The following URI1 variants were observed in gnomAD, a reference collection of about 807,000 sequenced individuals.
URI1 encodes the protein unconventional prefoldin RPB5 interactor 1.
Under a neutral mutation model 60.2 loss-of-function variants are expected in URI1, and 39 were observed. That is an observed-to-expected ratio of 0.65 (90% CI 0.50 to 0.85). The LOEUF (loss-of-function observed/expected upper bound fraction) is 0.85. Among genes scored for constraint, URI1 ranks in the 40% least tolerant of loss-of-function variants. URI1 has a pLI of 0.00. For missense variants in URI1, 691 were observed against 665.9 expected, an observed-to-expected ratio of 1.04 and a Z score of -0.42; for synonymous variants, 251 against 236.8, an observed-to-expected ratio of 1.06 and a Z score of -0.55.
At chr19:29,933,302 A>G (rs1407140768) in intron 1 of URI1, among the ~76,000 whole-genome samples, 1 of 152,304 alleles carries the variant, frequency 6.6e-6, no homozygotes, top group East Asian at 1.9e-4. Context: ...TACTTGTTAT[A>G]GATCCAATCA....
chr19:29,983,282 T>A (rs913680020), intron 2 of URI1: 1 of 152,232 alleles, frequency 6.6e-6, no homozygotes, highest in Non-Finnish European at 1.5e-5. Context: ...CTTCTTGCTA[T>A]GTGGTTTTTC....
At chr19:29,928,100 A>C (rs890495582) in intron 1 of URI1, among the ~76,000 whole-genome samples, 2 of 151,998 alleles carry the variant, frequency 1.3e-5, no homozygotes, top group South Asian at 4.1e-4. Flanking sequence ...ATCCCAGGTG[A>C]CAGTTAATCT....
At chr19:29,982,768 TC>T (rs1386625662) in intron 2 of URI1, among the ~76,000 whole-genome samples, 1 of 152,208 alleles carries the variant, frequency 6.6e-6, no homozygotes, top group East Asian at 1.9e-4. Flanking sequence ...TAATAGTCTT[TC>T]TTGAAAGTTT....
rs771039160 is a variant in URI1, at chr19:30,015,036, G to A, written c.1575G>A (p.Lys525=). 1 of 1,613,580 alleles carries A rather than the reference G, an allele frequency of 6.2e-7. No homozygotes were observed. Among genetic ancestry groups the A allele is most frequent in the Non-Finnish European group, 8.5e-7 (1 of 1,179,656 alleles). Residue 525 remains lysine, a synonymous_variant, in exon 11 of 11, where the codon AAG becomes AAA. Coordinates refer to ENST00000392271, the MANE Select transcript of URI1 (RefSeq NM_003796.3). The part of the protein sequence containing the change: ...ASEETGKRVS[K]FKAARLQQKD ...AAGAAACTGGAAAGAGGGTTTCAAA[G>A]TTTAAAGCTGCCAGATTGCAACAGA...
Position 29,942,554 on chromosome 19 carries a change from G to A in URI1, c.7G>A (p.Ala3Thr), listed in dbSNP as rs2055042233. ...TGAGGCCCGCGGGCCCGTCATGGAG[G>A]CGCCCACCGTGGAGACGCCCCCCGA... Reference protein sequence around the residue: MEAPTVETPPDPS... With the variant: METPTVETPPDPS... Residue 3 changes from alanine (A) to threonine (T), a missense_variant, in exon 1 of 11, where the codon GCG becomes ACG. By Grantham distance (58) the Ala-to-Thr change is moderately conservative (BLOSUM62 0). Coordinates refer to ENST00000392271, the MANE Select transcript of URI1 (RefSeq NM_003796.3). 2.1e-6 allele frequency: 3 copies of A among 1,415,122 alleles called. No homozygotes were observed. The highest frequency in any genetic ancestry group is 9.2e-7 in the Non-Finnish European group (1 of 1,085,306). 87.7% of individuals were successfully genotyped at this position (1,415,122 alleles called of 1,614,324 possible).
At chr19:30,010,036 C>T (rs2055997851) in intron 8 of URI1, among the ~76,000 whole-genome samples, 1 of 152,114 alleles carries the variant, frequency 6.6e-6, no homozygotes, top group Non-Finnish European at 1.5e-5. Flanking sequence ...GCCTTAAGTC[C>T]ATCTTTGCCC....
intron 4 of URI1, among the ~76,000 whole-genome samples, chr19:30,000,504 T>G (rs979463132): frequency 7.2e-5 from 11 of 152,016 alleles, no homozygotes; most frequent in African/African-American, 2.7e-4. Flanking sequence ...CTTATATTCC[T>G]TATACTCCTG....
intron 1 of URI1, among the ~76,000 whole-genome samples, chr19:29,951,145 C>T (rs977662782): frequency 1.3e-5 from 2 of 152,112 alleles, no homozygotes; most frequent in Admixed American, 1.3e-4. Context: ...GATGACTTTC[C>T]ATTGCATCAC....
rs1257755459 is a variant in URI1 at position 29,942,602 on chromosome 19, G to A, written c.55G>A (p.Ala19Thr). Reference protein sequence around the residue: ...PPDPSPPSAPAPALVPLRAPD... With the variant: ...PPDPSPPSAPTPALVPLRAPD... The stretch of plus-strand genomic sequence containing the variant: ...CGACCCCTCGCCCCCTTCGGCCCCG[G>A]CCCCTGCCCTGGTTCCGTTGCGCGC... The change falls in exon 1 of 11, where the codon GCC becomes ACC. Residue 19 changes from alanine to threonine, a missense_variant. Transcript: ENST00000392271. 2 of 1,463,606 alleles carry A rather than the reference G, an allele frequency of 1.4e-6. No homozygotes were observed. Among genetic ancestry groups the A allele is most frequent in the South Asian group, 1.3e-5 (1 of 74,968 alleles). The allele number at this position is 1,463,606 out of a possible 1,614,324, so 90.7% of individuals were successfully genotyped here.
At chr19:29,948,220 G>C (rs997576127) in intron 1 of URI1, among the ~76,000 whole-genome samples, 1 of 152,084 alleles carries the variant, frequency 6.6e-6, no homozygotes, top group Non-Finnish European at 1.5e-5. Flanking sequence ...GGTTCCTCAA[G>C]ATTGCCTTTA....
At chr19:29,945,878 AAAAG>A (rs2145234128) in intron 1 of URI1, among the ~76,000 whole-genome samples, 1 of 152,220 alleles carries the variant, frequency 6.6e-6, no homozygotes, top group African/African-American at 2.4e-5. Context: ...TTTTTCCAAA[AAAAG>A]CTATTGATAA....
At chr19:29,931,228 A>G (rs1005242424) in intron 1 of URI1, among the ~76,000 whole-genome samples, 6 of 152,184 alleles carry the variant, frequency 3.9e-5, no homozygotes, top group African/African-American at 1.4e-4. Flanking sequence ...ACATTGTTGT[A>G]TTAGTCTGCT....
chr19:30,014,187 A>G (rs2145458906), intron 10 of URI1: 1 of 152,304 alleles, frequency 6.6e-6, no homozygotes, highest in South Asian at 2.1e-4. Context: ...CCAGTTGAAC[A>G]TATAGTTGAC....
chr19:29,944,446 A>G (rs1354419575), intron 1 of URI1, among the ~76,000 whole-genome samples: 1 of 151,440 alleles, frequency 6.6e-6, no homozygotes, highest in Non-Finnish European at 1.5e-5. Flanking sequence ...TGCTGACTTG[A>G]TATGTTTTCT....
chr19:29,938,197 C>T (rs1017285959), upstream of URI1, among the ~76,000 whole-genome samples: 6 of 152,010 alleles, frequency 3.9e-5, no homozygotes, highest in East Asian at 1.9e-4. Context: ...TTATTTGGCT[C>T]GCAGTTCTGT....
intron 1 of URI1, among the ~76,000 whole-genome samples, chr19:29,951,802 C>T (rs2055184001): frequency 6.6e-6 from 1 of 152,192 alleles, no homozygotes; most frequent in South Asian, 2.1e-4. Context: ...CCTGCCTTGG[C>T]CTCCCAAAGT....
chr19:29,983,031 C>G (rs1034572701), intron 2 of URI1, among the ~76,000 whole-genome samples: 1 of 152,156 alleles, frequency 6.6e-6, no homozygotes, highest in Non-Finnish European at 1.5e-5. Flanking sequence ...GGTACATAGC[C>G]TTGTGCATGA....
intron 2 of URI1, among the ~76,000 whole-genome samples, chr19:29,976,661 C>T (rs113278547): frequency 2.4e-3 from 373 of 152,282 alleles, no homozygotes; most frequent in African/African-American, 8.5e-3. Context: ...AAGTCTCCGT[C>T]CTTTATGTTG....
chr19:29,951,384 GT>G (rs1468961995), intron 1 of URI1, among the ~76,000 whole-genome samples: 2 of 151,994 alleles, frequency 1.3e-5, no homozygotes, highest in Admixed American at 1.3e-4. Context: ...ATTAGTTTAT[GT>G]TTTTCGAGCA....
Sources: allele counts gnomAD v4.1 joint callset (sites outside exome capture counted in the v4.1 genomes callset), GRCh38; gene constraint gnomAD v4.1.1; transcripts MANE v1.5; gene names NCBI Gene and HGNC (gene_info 2026-07-23, HGNC 2026-07-21).